The following IMMP2L variants were observed in gnomAD, a reference collection of about 807,000 sequenced individuals.
The protein encoded by IMMP2L is mitochondrial inner membrane protease subunit 2.
A neutral mutation model predicts 19.3 loss-of-function variants in IMMP2L; 18 were observed. The observed-to-expected ratio is 0.93, with a 90% CI of 0.64 to 1.38. The LOEUF (loss-of-function observed/expected upper bound fraction) is 1.38. IMMP2L is among the 40% of genes most tolerant of loss of function. IMMP2L has a pLI of 0.00. For synonymous variants in IMMP2L, 76 were observed against 73.0 expected (o/e 1.04, Z -0.21); for missense variants, 233 against 218.2 (o/e 1.07, Z -0.43).
intron 3 of IMMP2L, among the ~76,000 whole-genome samples, chr7:111,264,616 A>C (rs1472761953): frequency 6.6e-6 from 1 of 151,762 alleles, no homozygotes; most frequent in East Asian, 1.9e-4. Flanking sequence ...GAAACAGAGA[A>C]GACCAGGCAC....
intron 5 of IMMP2L, among the ~76,000 whole-genome samples, chr7:110,818,508 T>G (rs1432863301): frequency 7.9e-5 from 12 of 151,794 alleles, no homozygotes; most frequent in African/African-American, 2.7e-4. Flanking sequence ...ACTTTTACAC[T>G]GTTGGTGGGA....
rs562167225 is a variant in IMMP2L at position 110,875,723 on chromosome 7, G to A, written c.408+10870C>T. 5.3e-5 allele frequency among the ~76,000 whole-genome samples: 8 copies of A among 152,148 alleles called. No individual in the cohort carries two copies. In the South Asian group the frequency reaches 1.0e-3, roughly 20 times the overall value. On this transcript the variant is annotated intron_variant, in intron 5 of 5. Transcript: ENST00000405709. The stretch of plus-strand genomic sequence containing the variant: ...ATTTAAGCAGCTTTGAAAATGGTTT[G>A]GTCGAAGCTCTTCAACTGTAAATAA...
chr7:110,827,271 CA>C (rs1803585015), intron 5 of IMMP2L, among the ~76,000 whole-genome samples: 1 of 152,130 alleles, frequency 6.6e-6, no homozygotes, highest in Non-Finnish European at 1.5e-5. Flanking sequence ...ACAGGACAGT[CA>C]AAATGCAAAC....
chr7:111,098,267 T>C (rs1433030894), intron 3 of IMMP2L, among the ~76,000 whole-genome samples: 1 of 151,842 alleles, frequency 6.6e-6, no homozygotes, highest in Non-Finnish European at 1.5e-5. Flanking sequence ...CACGTATTTT[T>C]TACACAAACA....
At chr7:110,830,551 A>G (rs1803879936) in intron 5 of IMMP2L, among the ~76,000 whole-genome samples, 1 of 152,166 alleles carries the variant, frequency 6.6e-6, no homozygotes, top group Admixed American at 6.5e-5. Flanking sequence ...CACAGTTTAT[A>G]ATAAAGAAGG....
chr7:111,549,882 A>G (rs10953688), intron 1 of IMMP2L, among the ~76,000 whole-genome samples: 120,438 of 150,914 alleles, frequency 0.8, 49,826 homozygotes, highest in East Asian at 0.97. Context: ...CAGAAGTTGC[A>G]GTGAGCCGAG....
intron 3 of IMMP2L, among the ~76,000 whole-genome samples, chr7:111,049,795 G>C (rs1200072483): frequency 6.6e-6 from 1 of 152,166 alleles, no homozygotes; most frequent in African/African-American, 2.4e-5. Context: ...CAAAAGTTTT[G>C]CAGTTCAGCA....
intron 5 of IMMP2L, among the ~76,000 whole-genome samples, chr7:110,689,785 TG>T (rs1335354447): frequency 6.6e-6 from 1 of 152,230 alleles, no homozygotes; most frequent in Non-Finnish European, 1.5e-5. Flanking sequence ...TTGTTTTATC[TG>T]TAGATGTCTC....
chr7:111,286,899 C>T (rs1018446390), intron 3 of IMMP2L, among the ~76,000 whole-genome samples: 1 of 152,142 alleles, frequency 6.6e-6, no homozygotes, highest in Non-Finnish European at 1.5e-5. Context: ...CCAAGGCAGG[C>T]ATTCCCAATC....
chr7:110,686,629 C>T (rs1458110974), intron 5 of IMMP2L, among the ~76,000 whole-genome samples: 17 of 152,008 alleles, frequency 1.1e-4, no homozygotes, highest in Admixed American at 1.0e-3. Context: ...ACTGTAACCT[C>T]AGAGCCATAA....
rs564381365 is a variant in IMMP2L, at chr7:111,293,481, G to A, written c.239+193757C>T. Among the ~76,000 whole-genome samples the A allele has an allele frequency of 2.0e-5, 3 of 151,816 alleles. No homozygotes were observed. The South Asian group carries it at 6.2e-4, about 32-fold the overall frequency. On this transcript the variant is annotated intron_variant, in intron 3 of 5. Coordinates refer to ENST00000405709, the MANE Select transcript of IMMP2L (RefSeq NM_032549.4). ...TCTTGGTGGGGAGTCTACGCAGCTA[G>A]CAAACCAAATACGTACCTCCTTCAC... is the stretch of plus-strand genomic sequence containing the variant.
intron 4 of IMMP2L, among the ~76,000 whole-genome samples, chr7:110,931,481 C>A (rs1815480057): frequency 6.6e-6 from 1 of 152,150 alleles, no homozygotes; most frequent in African/African-American, 2.4e-5. Flanking sequence ...AGATTGAAAT[C>A]CAAAGAGCCA....
At chr7:110,985,229 A>G (rs992289661) in intron 3 of IMMP2L, among the ~76,000 whole-genome samples, 4 of 152,134 alleles carry the variant, frequency 2.6e-5, no homozygotes, top group Non-Finnish European at 4.4e-5. Context: ...CTACAGAACT[A>G]TAACATAATA....
Position 111,123,097 on chromosome 7 carries a change from A to G in IMMP2L, c.240-159532T>C. On this transcript the variant is annotated intron_variant, in intron 3 of 5. Transcript: ENST00000405709. This position sits in a 1 kb window ranked among gnomAD's most constrained non-coding sequence, Gnocchi z 6.4. ...TCAAAACAATTTATCTTCAGTCACC[A>G]ATATTAATGTAAAAAAGATGCCTCA... The G allele has an allele frequency of 6.2e-7, 1 of 1,613,742 alleles. No homozygotes were observed. Among genetic ancestry groups the G allele is most frequent in the Non-Finnish European group, 8.5e-7 (1 of 1,179,854 alleles).
chr7:111,316,911 G>A (rs1335120531), intron 3 of IMMP2L, among the ~76,000 whole-genome samples: 3 of 140,564 alleles, frequency 2.1e-5, no homozygotes, highest in Non-Finnish European at 3.0e-5. Context: ...GTGCAGTGGC[G>A]AGATCTCGGC....
chr7:111,479,227 A>C (rs1011486481), intron 3 of IMMP2L, among the ~76,000 whole-genome samples: 1 of 152,164 alleles, frequency 6.6e-6, no homozygotes, highest in Admixed American at 6.5e-5. Flanking sequence ...ACAGAACCCA[A>C]GGTGAAAAAT....
chr7:110,956,674 T>G (rs1210136363), intron 4 of IMMP2L, among the ~76,000 whole-genome samples: 1 of 151,934 alleles, frequency 6.6e-6, no homozygotes, highest in Non-Finnish European at 1.5e-5. Flanking sequence ...CACTAGGGAC[T>G]AAAAAGAGTC....
rs1392273155 is a variant in IMMP2L at position 110,902,831 on chromosome 7, C to A, written c.306-16136G>T. 7.3e-5 allele frequency among the ~76,000 whole-genome samples: 6 copies of A among 82,014 alleles called. 3 individuals carry two copies. Among genetic ancestry groups the A allele is most frequent in the Non-Finnish European group, 1.3e-4 (6 of 46,802 alleles). The allele number at this position is 82,014 out of a possible 152,430, so 53.8% of individuals were successfully genotyped here. On this transcript the variant is annotated intron_variant, in intron 4 of 5. Coordinates refer to ENST00000405709, the MANE Select transcript of IMMP2L (RefSeq NM_032549.4). ...CCTGTAGTCCCAGCTACTTGGGAGG[C>A]TGAGGCAGGAGAATGGCGTGAACCC...
chr7:110,761,454 A>G (rs1359435010), intron 5 of IMMP2L, among the ~76,000 whole-genome samples: 1 of 152,178 alleles, frequency 6.6e-6, no homozygotes, highest in African/African-American at 2.4e-5. Context: ...AGAAATCAAG[A>G]ACACTATGCT....
Sources: allele counts gnomAD v4.1 joint callset (sites outside exome capture counted in the v4.1 genomes callset), GRCh38; gene constraint gnomAD v4.1.1; non-coding constraint Gnocchi (gnomAD v3.1); transcripts MANE v1.5; gene names NCBI Gene and HGNC (gene_info 2026-07-23, HGNC 2026-07-21).